Variants in DNAAF6 observed in about 807,000 individuals in gnomAD.
DNAAF6 encodes the protein PIH1 domain containing 3.
A neutral mutation model predicts 13.7 loss-of-function variants in DNAAF6; 3 were observed. The ratio of observed to expected loss-of-function variants is 0.22; its 90% CI spans 0.10 to 0.56. The LOEUF is 0.56. Among genes scored for constraint, DNAAF6 ranks in the 20% least tolerant of loss-of-function variants. The pLI, the probability that DNAAF6 is intolerant of heterozygous loss-of-function variation, is 0.92. For synonymous variants in DNAAF6, 54 were observed against 49.2 expected (o/e 1.10, Z -0.41); for missense variants, 130 against 151.0 (o/e 0.86, Z 0.73).
At chrX:107,226,564 T>C (rs1312540718) in intron 5 of DNAAF6, among the ~76,000 whole-genome samples, 1 of 111,676 alleles carries the variant, frequency 9.0e-6, no homozygotes, top group Admixed American at 9.5e-5. Context: ...GGAAATGGGA[T>C]GGGTGTATTG....
chrX:107,221,399 T>G (rs1339233136), intron 4 of DNAAF6, among the ~76,000 whole-genome samples: 8 of 109,905 alleles, frequency 7.3e-5, no homozygotes, highest in African/African-American at 9.9e-5. Context: ...GGACTACAGG[T>G]GCACACTTTA....
At chrX:107,240,702 T>C (rs1928607468) in intron 6 of DNAAF6, among the ~76,000 whole-genome samples, 1 of 111,861 alleles carries the variant, frequency 8.9e-6, no homozygotes, top group African/African-American at 3.2e-5. Flanking sequence ...ATTGGTTGTT[T>C]TGGCATGTAG....
At chrX:107,227,879 AGAGT>A (rs1030612388) in intron 5 of DNAAF6, among the ~76,000 whole-genome samples, 16 of 111,148 alleles carry the variant, frequency 1.4e-4, no homozygotes, top group Non-Finnish European at 2.8e-4. Flanking sequence ...ATTGAGAGAG[AGAGT>A]GTGTGTGTGT....
At chrX:107,236,181 C>A (rs1227006937) in intron 5 of DNAAF6, among the ~76,000 whole-genome samples, 1 of 111,581 alleles carries the variant, frequency 9.0e-6, no homozygotes, top group Non-Finnish European at 1.9e-5. Context: ...AGAATTTAAA[C>A]CTAAGTTTGA....
chrX:107,241,608 T>C (rs1928625540), intron 6 of DNAAF6, among the ~76,000 whole-genome samples: 1 of 112,014 alleles, frequency 8.9e-6, no homozygotes, highest in Non-Finnish European at 1.9e-5. Context: ...GAATTGTACA[T>C]GGATAAGTAT....
chrX:107,213,123 G>A, intron 2 of DNAAF6, 95 bp downstream of exon 2: 1 of 886,550 alleles, frequency 1.1e-6, no homozygotes, highest in Non-Finnish European at 1.5e-6. Flanking sequence ...TGGGAACAGA[G>A]CTGTGTCATT....
chrX:107,213,329 T>A (rs1038212704), intron 2 of DNAAF6, among the ~76,000 whole-genome samples: 4 of 112,517 alleles, frequency 3.6e-5, no homozygotes, highest in Admixed American at 9.4e-5. Context: ...TTGACAACCA[T>A]TGCAGAGTGG....
chrX:107,242,116 C>T lies in DNAAF6; in HGVS notation c.516-1053C>T, dbSNP rs905688127. ...TCTACATTAAAATGCATTGCCACTACGTTTGGCAACGTATTCAGGCGAAGT... is the reference window on the plus strand; with the variant it reads ...TCTACATTAAAATGCATTGCCACTATGTTTGGCAACGTATTCAGGCGAAGT... On this transcript the variant is annotated intron_variant, in intron 6 of 6. Coordinates refer to ENST00000372453, the MANE Select transcript of DNAAF6 (RefSeq NM_173494.2). Among the ~76,000 whole-genome samples the T allele has an allele frequency of 5.4e-5, 6 of 111,663 alleles. No individual in the cohort carries two copies. In the Admixed American group the frequency reaches 5.7e-4, roughly 11 times the overall value.
chrX:107,213,133 T>A, intron 2 of DNAAF6, 105 bp downstream of exon 2: 1 of 802,738 alleles, frequency 1.2e-6, no homozygotes, highest in Non-Finnish European at 1.7e-6. Flanking sequence ...GCTGTGTCAT[T>A]TGATACATTC....
At position 107,243,166 on chromosome X, in the gene DNAAF6, T is replaced by TA. The variant is rs1376487077; in HGVS notation, c.516-2dup. ...AAGGTTTTATTTTGTTGTTTTTTTT[T>TA]AGGAAGCTGTTGATAACTCTTCCTG... On this transcript the variant is annotated splice_region_variant and splice_polypyrimidine_tract_variant and intron_variant, in intron 6 of 6. Transcript: ENST00000372453. 8.4e-7 allele frequency: 1 copy of TA among 1,194,881 alleles called. No homozygotes were observed.
At chrX:107,232,057 C>T (rs940227595) in intron 5 of DNAAF6, among the ~76,000 whole-genome samples, 5 of 110,916 alleles carry the variant, frequency 4.5e-5, no homozygotes, top group African/African-American at 6.6e-5. Flanking sequence ...GTGGTTTCAC[C>T]ATATTGGTCA....
chrX:107,230,457 T>G (rs999735405), intron 5 of DNAAF6, among the ~76,000 whole-genome samples: 1 of 110,839 alleles, frequency 9.0e-6, no homozygotes, highest in Non-Finnish European at 1.9e-5. Context: ...CTGAGGCGGG[T>G]GGATCACCTG....
chrX:107,220,951 CTT>C (rs1928119832), intron 4 of DNAAF6, among the ~76,000 whole-genome samples: 1 of 55,642 alleles, frequency 1.8e-5, no homozygotes, highest in Non-Finnish European at 3.5e-5. Context: ...TTCTTTCTTT[CTT>C]TCTTTTTCTT....
chrX:107,229,099 T>TCAG (rs1239872478), intron 5 of DNAAF6, among the ~76,000 whole-genome samples: 2 of 99,582 alleles, frequency 2.0e-5, no homozygotes, highest in Non-Finnish European at 4.0e-5. Context: ...GTGCTGCTAC[T>TCAG]CAGCAGCATT....
intron 5 of DNAAF6, among the ~76,000 whole-genome samples, chrX:107,231,290 T>C (rs1277298948): frequency 9.0e-6 from 1 of 111,238 alleles, no homozygotes; most frequent in African/African-American, 3.3e-5. Context: ...CTCATGGACA[T>C]AGGGAGTAAA....
chrX:107,212,954 T>C lies in DNAAF6; in HGVS notation c.79T>C (p.Ser27Pro). 1 of 1,208,737 alleles carries C rather than the reference T, an allele frequency of 8.3e-7. No homozygotes were observed. The highest frequency in any genetic ancestry group is 3.0e-5 in the East Asian group (1 of 33,702). Reference sequence around the variant, plus strand: ...TCAAAATGTAGACTTTGAGAGTGTTTCTTCAGTTACAGCTCTGGAAGCCCT... The same window carrying C: ...TCAAAATGTAGACTTTGAGAGTGTTCCTTCAGTTACAGCTCTGGAAGCCCT... Reference protein sequence around the residue: ...ESQNVDFESVSSVTALEALSK... With the variant: ...ESQNVDFESVPSVTALEALSK... Residue 27 changes from serine to proline, a missense_variant, in exon 2 of 7, where the codon TCT becomes CCT. By Grantham distance (74) the Ser-to-Pro change is moderately conservative. Coordinates refer to ENST00000372453, the MANE Select transcript of DNAAF6 (RefSeq NM_173494.2).
At chrX:107,227,606 G>A (rs1314769727) in intron 5 of DNAAF6, among the ~76,000 whole-genome samples, 1 of 109,868 alleles carries the variant, frequency 9.1e-6, no homozygotes, top group Non-Finnish European at 1.9e-5. Flanking sequence ...GTCAGTTCCA[G>A]GCAGCACAGT....
intron 5 of DNAAF6, among the ~76,000 whole-genome samples, chrX:107,232,458 G>C (rs1009456490): frequency 8.9e-6 from 1 of 112,208 alleles, no homozygotes; most frequent in Non-Finnish European, 1.9e-5. Flanking sequence ...TCTAAGTATA[G>C]AGGATAGCAT....
chrX:107,229,232 G>A (rs747067039), intron 5 of DNAAF6, among the ~76,000 whole-genome samples: 1 of 98,579 alleles, frequency 1.0e-5, no homozygotes, highest in Non-Finnish European at 2.0e-5. Flanking sequence ...CCACCTTCTG[G>A]GTTCAAGCTG....
Sources: gnomAD v4.1 joint callset for allele counts (sites outside exome capture counted in the v4.1 genomes callset) on GRCh38, gnomAD v4.1.1 for gene constraint, MANE v1.5 for transcripts, NCBI Gene and HGNC (gene_info 2026-07-23, HGNC 2026-07-21) for gene names.